The following VPS13B variants were observed in gnomAD, a reference collection of about 807,000 sequenced individuals.
The protein encoded by VPS13B is intermembrane lipid transfer protein VPS13B.
Under a neutral mutation model 426.4 loss-of-function variants are expected in VPS13B, and 285 were observed. The observed-to-expected ratio is 0.67, with a 90% CI of 0.61 to 0.74. The LOEUF (loss-of-function observed/expected upper bound fraction) is 0.74. Among genes scored for constraint, VPS13B ranks in the 30% least tolerant of loss-of-function variants. The pLI is 0.00. For missense variants in VPS13B, 4,537 were observed against 4,782.6 expected, an observed-to-expected ratio of 0.95 and a Z score of 1.51; for synonymous variants, 1,676 against 1,676.4, an observed-to-expected ratio of 1.00 and a Z score of 0.01.
intron 39 of VPS13B, among the ~76,000 whole-genome samples, chr8:99,755,394 C>G (rs1810590371): frequency 6.6e-6 from 1 of 152,120 alleles, no homozygotes; most frequent in South Asian, 2.1e-4. Context: ...ACTTCAGTGG[C>G]CACACAATGA....
chr8:99,410,454 A>G (rs184414004), intron 21 of VPS13B, among the ~76,000 whole-genome samples: 1 of 152,150 alleles, frequency 6.6e-6, no homozygotes, highest in Admixed American at 6.5e-5. Flanking sequence ...TCTTTCTCAA[A>G]CAAACTCCAT....
chr8:99,233,654 A>G, intron 17 of VPS13B: 1 of 903,076 alleles, frequency 1.1e-6, no homozygotes, highest in East Asian at 2.4e-5. Context: ...ATAGGCCTCC[A>G]CTGTGCCCTT....
intron 17 of VPS13B, among the ~76,000 whole-genome samples, chr8:99,248,756 T>A (rs1775995695): frequency 6.6e-6 from 1 of 152,224 alleles, no homozygotes; most frequent in African/African-American, 2.4e-5. Context: ...TTTTAAATAT[T>A]TGAACCAGAT....
chr8:99,601,202 A>C (rs1005352909), intron 33 of VPS13B, among the ~76,000 whole-genome samples: 11 of 151,578 alleles, frequency 7.3e-5, no homozygotes, highest in African/African-American at 2.7e-4. Flanking sequence ...CCCCGTGTCC[A>C]TGTGTTCTCC....
At chr8:99,801,803 T>A (rs562586308) in intron 43 of VPS13B, among the ~76,000 whole-genome samples, 1 of 152,190 alleles carries the variant, frequency 6.6e-6, no homozygotes, top group Non-Finnish European at 1.5e-5. Flanking sequence ...CCATGTGTAG[T>A]ACAGTTAGTT....
At chr8:99,327,051 T>TGA (rs1810314713) in intron 19 of VPS13B, among the ~76,000 whole-genome samples, 1 of 152,246 alleles carries the variant, frequency 6.6e-6, no homozygotes, top group South Asian at 2.1e-4. Flanking sequence ...GATTCGTTTA[T>TGA]GAGTTTCTTC....
At chr8:99,245,790 C>T (rs769754885) in intron 17 of VPS13B, among the ~76,000 whole-genome samples, 1 of 152,168 alleles carries the variant, frequency 6.6e-6, no homozygotes, top group Non-Finnish European at 1.5e-5. Context: ...GTGATCCACC[C>T]GCCTCAGCCT....
chr8:99,145,389 A>T (rs1810651707), intron 13 of VPS13B, among the ~76,000 whole-genome samples: 1 of 152,160 alleles, frequency 6.6e-6, no homozygotes, highest in African/African-American at 2.4e-5. Context: ...TGGTCAAGAA[A>T]ATGAACAGTT....
intron 34 of VPS13B, among the ~76,000 whole-genome samples, chr8:99,645,583 T>C (rs535096767): frequency 1.1e-4 from 16 of 152,362 alleles, no homozygotes; most frequent in Admixed American, 9.8e-4. Flanking sequence ...CATCATTCTG[T>C]AATTTGGAAT....
intron 30 of VPS13B, among the ~76,000 whole-genome samples, chr8:99,536,479 G>A (rs1823229310): frequency 6.6e-6 from 1 of 152,090 alleles, no homozygotes; most frequent in African/African-American, 2.4e-5. Context: ...GAGCTTTTGA[G>A]CCAATTTTTA....
At chr8:99,215,699 G>A (rs1198965231) in intron 17 of VPS13B, among the ~76,000 whole-genome samples, 5 of 152,112 alleles carry the variant, frequency 3.3e-5, no homozygotes, top group Admixed American at 3.3e-4. Flanking sequence ...AGCCCATTCA[G>A]TGCCCAAGGT....
intron 39 of VPS13B, among the ~76,000 whole-genome samples, chr8:99,732,600 A>G (rs1161427639): frequency 6.6e-6 from 1 of 152,206 alleles, no homozygotes; most frequent in African/African-American, 2.4e-5. Context: ...CCATAACACC[A>G]AGGAACTGTC....
At chr8:99,868,490 G>C in intron 59 of VPS13B, 25 bp downstream of exon 59, 1 of 1,592,082 alleles carries the variant, frequency 6.3e-7, no homozygotes. Context: ...AACCCATCAG[G>C]CCAACCCAGA....
At chr8:99,750,255 T>C (rs1810326334) in intron 39 of VPS13B, among the ~76,000 whole-genome samples, 1 of 152,038 alleles carries the variant, frequency 6.6e-6, no homozygotes, top group African/African-American at 2.4e-5. Context: ...GAATTTATGT[T>C]ACTTTTATAT....
intron 19 of VPS13B, among the ~76,000 whole-genome samples, chr8:99,300,741 C>T (rs530756186): frequency 6.6e-6 from 1 of 152,148 alleles, no homozygotes; most frequent in Non-Finnish European, 1.5e-5. Context: ...TGGGTTTTAG[C>T]CTCAGCTATA....
chr8:99,301,281 A>G (rs570367599), intron 19 of VPS13B, among the ~76,000 whole-genome samples: 1 of 150,228 alleles, frequency 6.7e-6, no homozygotes, highest in African/African-American at 2.4e-5. Context: ...TAAGAGTCCC[A>G]TCTTGTTTTC....
intron 29 of VPS13B, among the ~76,000 whole-genome samples, chr8:99,514,824 G>A (rs780471019): frequency 3.9e-5 from 6 of 152,122 alleles, no homozygotes; most frequent in African/African-American, 1.2e-4. Flanking sequence ...TTTAGGTCCC[G>A]TGGTAATTCT....
intron 36 of VPS13B, among the ~76,000 whole-genome samples, chr8:99,704,166 G>C (rs531292544): frequency 5.1e-4 from 78 of 152,194 alleles, no homozygotes; most frequent in African/African-American, 1.8e-3. Flanking sequence ...ACTACCCCAG[G>C]CTCTGTCATC....
chr8:99,606,521 A>G (rs1182582593), intron 33 of VPS13B, among the ~76,000 whole-genome samples: 1 of 150,776 alleles, frequency 6.6e-6, no homozygotes, highest in Non-Finnish European at 1.5e-5. Context: ...AAAAGAAAAA[A>G]GAAAAAGAAA....
Sources: gnomAD v4.1 joint callset for allele counts (sites outside exome capture counted in the v4.1 genomes callset) on GRCh38, gnomAD v4.1.1 for gene constraint, MANE v1.5 for transcripts, NCBI Gene and HGNC (gene_info 2026-07-23, HGNC 2026-07-21) for gene names.